Variants in KATNBL1 observed in about 807,000 individuals in gnomAD.
KATNBL1 encodes katanin regulatory subunit B1 like 1.
A neutral mutation model predicts 44.7 loss-of-function variants in KATNBL1; 28 were observed. The observed-to-expected ratio is 0.63, with a 90% CI of 0.46 to 0.86. The LOEUF is 0.86. Among genes scored for constraint, KATNBL1 ranks in the 40% least tolerant of loss-of-function variants. KATNBL1 has a pLI of 0.00. For missense variants in KATNBL1, 272 were observed against 350.7 expected, an observed-to-expected ratio of 0.78 and a Z score of 1.79; for synonymous variants, 78 against 114.9, an observed-to-expected ratio of 0.68 and a Z score of 2.06.
At chr15:34,144,011 A>C (rs1888236168) in intron 9 of KATNBL1, among the ~76,000 whole-genome samples, 1 of 146,204 alleles carries the variant, frequency 6.8e-6, no homozygotes. Flanking sequence ...GTAAAATCCC[A>C]CACAGTGGTA....
intron 1 of KATNBL1, among the ~76,000 whole-genome samples, chr15:34,166,853 C>T (rs771606437): frequency 6.6e-6 from 1 of 152,132 alleles, no homozygotes; most frequent in Non-Finnish European, 1.5e-5. Context: ...AGCTGAGGGG[C>T]CTGTCTATTA....
At chr15:34,198,217 G>A (rs1348846043) in intron 1 of KATNBL1, 1 of 152,118 alleles carries the variant, frequency 6.6e-6, no homozygotes, top group Non-Finnish European at 1.5e-5. Context: ...TAGAATTTTT[G>A]GTGGTATATA....
chr15:34,187,236 G>A (rs1889743343), intron 1 of KATNBL1, among the ~76,000 whole-genome samples: 2 of 152,162 alleles, frequency 1.3e-5, no homozygotes, highest in Non-Finnish European at 2.9e-5. Flanking sequence ...AGAGATATCA[G>A]AATGACTTAA....
intron 2 of KATNBL1, among the ~76,000 whole-genome samples, chr15:34,162,038 C>A (rs1888823354): frequency 6.6e-6 from 1 of 152,162 alleles, no homozygotes; most frequent in South Asian, 2.1e-4. Flanking sequence ...ATCAACAAAT[C>A]TAAAATTCAA....
intron 8 of KATNBL1, 56 bp downstream of exon 8, chr15:34,146,705 A>G: frequency 1.0e-6 from 1 of 968,542 alleles, no homozygotes; most frequent in Admixed American, 1.7e-5. Context: ...TAGTTTAATC[A>G]AGCTGCTTTC....
At chr15:34,172,758 C>CAT (rs1334176087) in intron 1 of KATNBL1, among the ~76,000 whole-genome samples, 1 of 68,292 alleles carries the variant, frequency 1.5e-5, no homozygotes, top group Non-Finnish European at 2.8e-5. Flanking sequence ...CACACAGACA[C>CAT]AGACACACAC....
At chr15:34,183,243 G>A (rs951789299) in intron 1 of KATNBL1, among the ~76,000 whole-genome samples, 3 of 152,156 alleles carry the variant, frequency 2.0e-5, no homozygotes, top group African/African-American at 7.2e-5. Flanking sequence ...TGCAGACTGG[G>A]GATGCCCTCA....
chr15:34,141,254 T>C lies in KATNBL1; in HGVS notation c.*1085A>G, dbSNP rs1261452425. ...ATATCATACTAACCATTAGAGGAGG[T>C]AGTGACACAAAGTGTTGGAATTTAA... is the stretch of plus-strand genomic sequence containing the variant. On this transcript the variant is annotated 3_prime_UTR_variant, in exon 10 of 10. Transcript: ENST00000256544. 1.3e-5 allele frequency: 2 copies of C among 152,476 alleles called. No homozygotes were observed. The highest frequency in any genetic ancestry group is 2.1e-4 in the South Asian group (1 of 4,822). 9.4% of individuals were successfully genotyped at this position (152,476 alleles called of 1,614,324 possible). A position where few individuals can be genotyped will look rare whatever the true frequency, so the allele number is the denominator to read the frequency against.
chr15:34,192,988 C>A (rs533542977), intron 1 of KATNBL1, among the ~76,000 whole-genome samples: 1 of 151,572 alleles, frequency 6.6e-6, no homozygotes, highest in African/African-American at 2.4e-5. Flanking sequence ...GAGGCAGAGG[C>A]GGGCGGATCA....
At chr15:34,206,140 G>A (rs1167688678) in intron 1 of KATNBL1, among the ~76,000 whole-genome samples, 2 of 152,154 alleles carry the variant, frequency 1.3e-5, no homozygotes, top group Non-Finnish European at 2.9e-5. Flanking sequence ...CAGTAATAGT[G>A]CCTTTCCCAC....
intron 1 of KATNBL1, among the ~76,000 whole-genome samples, chr15:34,193,563 A>C (rs35049501): frequency 6.6e-6 from 1 of 152,092 alleles, no homozygotes; most frequent in East Asian, 1.9e-4. Flanking sequence ...TTAAAATATC[A>C]CCAGTAGGCT....
At chr15:34,196,701 C>G (rs979244707) in intron 1 of KATNBL1, among the ~76,000 whole-genome samples, 1 of 152,100 alleles carries the variant, frequency 6.6e-6, no homozygotes, top group Non-Finnish European at 1.5e-5. Context: ...GCACTCCACC[C>G]TGGGTAACAA....
chr15:34,191,784 A>C (rs904533987), intron 1 of KATNBL1, among the ~76,000 whole-genome samples: 9 of 151,626 alleles, frequency 5.9e-5, no homozygotes, highest in African/African-American at 1.9e-4. Flanking sequence ...CGTTTCTATT[A>C]AAAACACAAA....
intron 1 of KATNBL1, among the ~76,000 whole-genome samples, chr15:34,168,265 CA>C (rs200734832): frequency 7.4e-5 from 11 of 148,450 alleles, no homozygotes; most frequent in South Asian, 2.1e-4. Flanking sequence ...AAATGGAAAG[CA>C]AAAAAAAAGC....
At position 34,142,080 on chromosome 15, in the gene KATNBL1, G is replaced by T; in HGVS notation, c.*259C>A. ...CCAAATAACCATATAACTCCCAAATGCAGCAAAGGTGAACAATCTTCATAG... is the reference window on the plus strand; with the variant it reads ...CCAAATAACCATATAACTCCCAAATTCAGCAAAGGTGAACAATCTTCATAG... On this transcript the variant is annotated 3_prime_UTR_variant, in exon 10 of 10. Transcript: ENST00000256544. 1 of 308,324 alleles carries T rather than the reference G, an allele frequency of 3.2e-6. No homozygotes were observed. The highest frequency in any genetic ancestry group is 6.1e-6 in the Non-Finnish European group (1 of 165,270). The allele number at this position is 308,324 out of a possible 1,614,324, so 19.1% of individuals were successfully genotyped here.
chr15:34,157,226 A>G (rs768517042), intron 2 of KATNBL1, among the ~76,000 whole-genome samples: 1 of 152,224 alleles, frequency 6.6e-6, no homozygotes, highest in Non-Finnish European at 1.5e-5. Flanking sequence ...GATGCAACAT[A>G]AGAGGATCAA....
chr15:34,167,473 T>G (rs1180552693), intron 1 of KATNBL1, among the ~76,000 whole-genome samples: 4 of 151,966 alleles, frequency 2.6e-5, no homozygotes, highest in African/African-American at 9.7e-5. Flanking sequence ...TATGTTTGAT[T>G]GTGTACCTGA....
intron 2 of KATNBL1, among the ~76,000 whole-genome samples, chr15:34,159,789 A>G (rs1597434216): frequency 1.3e-5 from 2 of 152,180 alleles, no homozygotes; most frequent in African/African-American, 4.8e-5. Flanking sequence ...TTGTCCCTGC[A>G]TCCGGAATTA....
intron 1 of KATNBL1, among the ~76,000 whole-genome samples, chr15:34,182,121 G>A (rs1365060552): frequency 6.6e-6 from 1 of 151,946 alleles, no homozygotes; most frequent in African/African-American, 2.4e-5. Context: ...GAACCCAGGT[G>A]TTCTGTATCC....
Sources: gnomAD v4.1 joint callset for allele counts (sites outside exome capture counted in the v4.1 genomes callset) on GRCh38, gnomAD v4.1.1 for gene constraint, MANE v1.5 for transcripts, NCBI Gene and HGNC (gene_info 2026-07-23, HGNC 2026-07-21) for gene names.